Variants in HEMK2 observed in about 807,000 individuals in gnomAD.
HEMK2 encodes the protein methyltransferase HEMK2.
At chr21:28,775,436 CGT>C in the HEMK2 span, among the ~76,000 whole-genome samples, 2 of 151,536 alleles carry the variant, frequency 1.3e-5, no homozygotes, top group African/African-American at 2.4e-5. Context: ...GAATTTAAAA[CGT>C]GTGTGTGTGT....
At chr21:28,636,777 C>T in the HEMK2 span, among the ~76,000 whole-genome samples, 1 of 152,170 alleles carries the variant, frequency 6.6e-6, no homozygotes, top group Admixed American at 6.5e-5. Flanking sequence ...TGCTGTGATG[C>T]TCGATCCAAA....
At chr21:28,828,570 C>G in the HEMK2 span, among the ~76,000 whole-genome samples, 1 of 152,212 alleles carries the variant, frequency 6.6e-6, no homozygotes, top group Non-Finnish European at 1.5e-5. Flanking sequence ...CTACTAGACA[C>G]TAAGCAGGTC....
chr21:28,770,912 C>T, the HEMK2 span, among the ~76,000 whole-genome samples: 1 of 152,134 alleles, frequency 6.6e-6, no homozygotes, highest in African/African-American at 2.4e-5. Flanking sequence ...CATCATGCTA[C>T]AATTCTCTAC....
the HEMK2 span, among the ~76,000 whole-genome samples, chr21:28,677,788 G>A: frequency 2.2e-3 from 334 of 152,306 alleles, 5 homozygotes; most frequent in East Asian, 0.024. Flanking sequence ...GGCAAACAGC[G>A]TCTGGAGTGG....
chr21:28,723,409 TTAG>T, the HEMK2 span, among the ~76,000 whole-genome samples: 1 of 152,186 alleles, frequency 6.6e-6, no homozygotes, highest in Non-Finnish European at 1.5e-5. Flanking sequence ...GAAGCCTGGA[TTAG>T]TAGCAGGTGT....
chr21:28,879,938 G>C, the HEMK2 span: 1 of 1,601,984 alleles, frequency 6.2e-7, no homozygotes, highest in Non-Finnish European at 8.5e-7. Context: ...GTCAATCTTG[G>C]TAGCAAGCCT....
chr21:28,801,015 T>A, the HEMK2 span, among the ~76,000 whole-genome samples: 8 of 152,166 alleles, frequency 5.3e-5, no homozygotes, highest in Non-Finnish European at 2.9e-5. Flanking sequence ...GGTTTACGGG[T>A]CAGGACAGAG....
chr21:28,603,116 A>C, the HEMK2 span, among the ~76,000 whole-genome samples: 1 of 152,122 alleles, frequency 6.6e-6, no homozygotes, highest in Non-Finnish European at 1.5e-5. Context: ...GGCTTAACCC[A>C]CACACCAGAG....
At chr21:28,615,747 T>C in the HEMK2 span, among the ~76,000 whole-genome samples, 1 of 152,204 alleles carries the variant, frequency 6.6e-6, no homozygotes, top group South Asian at 2.1e-4. Flanking sequence ...ATGCCATGTT[T>C]GTCTGCCTTC....
At chr21:28,647,694 G>T in the HEMK2 span, among the ~76,000 whole-genome samples, 1 of 152,014 alleles carries the variant, frequency 6.6e-6, no homozygotes, top group African/African-American at 2.4e-5. Context: ...GGCTGCAGAA[G>T]GCCACCCTGC....
the HEMK2 span, among the ~76,000 whole-genome samples, chr21:28,591,722 C>T: frequency 3.3e-5 from 5 of 152,202 alleles, no homozygotes; most frequent in South Asian, 8.3e-4. Context: ...CTCTGGTAGG[C>T]TCCAGTGTCT....
At chr21:28,846,162 G>A in the HEMK2 span, among the ~76,000 whole-genome samples, 1 of 152,142 alleles carries the variant, frequency 6.6e-6, no homozygotes, top group African/African-American at 2.4e-5. Context: ...ATTCCATGGT[G>A]TACATGTGCC....
At chr21:28,582,973 T>G in the HEMK2 span, among the ~76,000 whole-genome samples, 2 of 152,152 alleles carry the variant, frequency 1.3e-5, no homozygotes. Context: ...GAAAGAGAAT[T>G]TCAGAGACAA....
chr21:28,781,212 T>A, the HEMK2 span, among the ~76,000 whole-genome samples: 1 of 152,184 alleles, frequency 6.6e-6, no homozygotes, highest in African/African-American at 2.4e-5. Flanking sequence ...CTTTTATTAT[T>A]TGACTTCTTC....
At chr21:28,665,137 TA>T in the HEMK2 span, among the ~76,000 whole-genome samples, 2 of 150,096 alleles carry the variant, frequency 1.3e-5, no homozygotes, top group African/African-American at 4.9e-5. Flanking sequence ...AAAAAAAAAT[TA>T]GCCAGGAGTG....
At chr21:28,860,289 A>G in the HEMK2 span, among the ~76,000 whole-genome samples, 1 of 152,016 alleles carries the variant, frequency 6.6e-6, no homozygotes, top group African/African-American at 2.4e-5. Flanking sequence ...CCCAGCCTAC[A>G]TCTTTCTCCC....
At chr21:28,717,620 C>CT in the HEMK2 span, among the ~76,000 whole-genome samples, 1 of 151,646 alleles carries the variant, frequency 6.6e-6, no homozygotes, top group African/African-American at 2.4e-5. Flanking sequence ...GCTGGGATTA[C>CT]AGGTGCATGC....
the HEMK2 span, chr21:28,875,105 G>C: frequency 1.3e-5 from 2 of 152,308 alleles, no homozygotes; most frequent in Non-Finnish European, 2.9e-5. Flanking sequence ...CAGGCTGGAA[G>C]AGAGAAGGCA....
At chr21:28,635,760 C>T in the HEMK2 span, among the ~76,000 whole-genome samples, 39 of 152,262 alleles carry the variant, frequency 2.6e-4, no homozygotes, top group African/African-American at 8.2e-4. Flanking sequence ...CACTCCCAGG[C>T]TCCCAAGACA....
Sources: gnomAD v4.1 joint callset for allele counts (sites outside exome capture counted in the v4.1 genomes callset) on GRCh38, gnomAD v4.1.1 for gene constraint, MANE v1.5 for transcripts, NCBI Gene and HGNC (gene_info 2026-07-23, HGNC 2026-07-21) for gene names.